TCEAL4: variants seen among roughly 807,000 people sequenced by gnomAD.
TCEAL4 encodes transcription elongation factor A like 4.
TCEAL4 carries 1 observed loss-of-function variant against 1.3 expected under a neutral mutation model. The ratio of observed to expected loss-of-function variants is 0.79; its 90% CI spans 0.28 to 3.76. TCEAL4 has a LOEUF of 3.76. TCEAL4 is among the 30% of genes most tolerant of loss of function. The pLI is 0.18. For missense variants in TCEAL4, 129 were observed against 154.7 expected (o/e 0.83, Z 0.88); for synonymous variants, 54 against 50.7 (o/e 1.06, Z -0.28).
Position 103,587,452 on chromosome X carries a change from A to G in TCEAL4, c.*129A>G. The G allele has an allele frequency of 3.7e-6, 3 of 805,268 alleles. No individual in the cohort carries two copies. The highest frequency in any genetic ancestry group is 5.0e-6 in the Non-Finnish European group (3 of 598,872). 66.4% of individuals were successfully genotyped at this position (805,268 alleles called of 1,213,427 possible). On this transcript the variant is annotated 3_prime_UTR_variant, in exon 3 of 3. Coordinates refer to ENST00000472484, the MANE Select transcript of TCEAL4 (RefSeq NM_001006935.3). ...GCAGTGTTCTCAGTAGGAAATGTTCATCTGTTACATGGAAAAAATGTTGAT... is the reference window on the plus strand; with the variant it reads ...GCAGTGTTCTCAGTAGGAAATGTTCGTCTGTTACATGGAAAAAATGTTGAT...
chrX:103,582,985 A>G (rs56142582), upstream of TCEAL4, among the ~76,000 whole-genome samples: 2,179 of 111,814 alleles, frequency 0.019, 55 homozygotes, highest in African/African-American at 0.068. Flanking sequence ...CCATCTGACA[A>G]AGGTCTAATA....
chrX:103,580,691 A>G (rs1161575629), upstream of TCEAL4, among the ~76,000 whole-genome samples: 1 of 111,637 alleles, frequency 9.0e-6, no homozygotes, highest in Admixed American at 9.5e-5. Flanking sequence ...TCCTGGGCTC[A>G]AGCAATCCAC....
In TCEAL4 at chrX:103,585,588, T is replaced by A; in HGVS notation, c.-137T>A. Reference sequence around the variant, plus strand: ...CGCGGCTGGGTCTCGTCTGCTCCGGTTCCTGGGCTCCTAATTCTTGGTCCA... The same window carrying A: ...CGCGGCTGGGTCTCGTCTGCTCCGGATCCTGGGCTCCTAATTCTTGGTCCA... On this transcript the variant is annotated 5_prime_UTR_variant, in exon 1 of 3. Transcript: ENST00000472484. 8.6e-7 allele frequency: 1 copy of A among 1,165,472 alleles called. No homozygotes were observed. Among genetic ancestry groups the A allele is most frequent in the Non-Finnish European group, 1.1e-6 (1 of 872,383 alleles).
chrX:103,578,753 A>C (rs749984077), intron 2 of TCEAL4, among the ~76,000 whole-genome samples: 7 of 111,876 alleles, frequency 6.3e-5, no homozygotes, highest in Non-Finnish European at 1.1e-4. Context: ...TATCAGATAC[A>C]TTACTCGCAA....
intron 2 of TCEAL4, among the ~76,000 whole-genome samples, chrX:103,577,949 C>A (rs1410665381): frequency 9.0e-6 from 1 of 111,689 alleles, no homozygotes; most frequent in Non-Finnish European, 1.9e-5. Context: ...ATTTTCATCA[C>A]CTCAAAAAGA....
At chrX:103,585,316 G>A (rs1027337521), upstream of TCEAL4, among the ~76,000 whole-genome samples, 1 of 98,614 alleles carries the variant, frequency 1.0e-5, no homozygotes, top group Non-Finnish European at 2.2e-5. Context: ...CTTCTGGACC[G>A]CCCAACTCAT....
chrX:103,587,452 A>T lies in TCEAL4; in HGVS notation c.*129A>T. ...GCAGTGTTCTCAGTAGGAAATGTTC[A>T]TCTGTTACATGGAAAAAATGTTGAT... On this transcript the variant is annotated 3_prime_UTR_variant, in exon 3 of 3. Transcript: ENST00000472484. 1.2e-6 allele frequency: 1 copy of T among 805,268 alleles called. No individual in the cohort carries two copies. Among genetic ancestry groups the T allele is most frequent in the Non-Finnish European group, 1.7e-6 (1 of 598,872 alleles). 66.4% of individuals were successfully genotyped at this position (805,268 alleles called of 1,213,427 possible).
At chrX:103,576,542 T>A (rs2073484497) in intron 1 of TCEAL4, 1 of 990,069 alleles carries the variant, frequency 1.0e-6, no homozygotes, top group Admixed American at 2.7e-5. Flanking sequence ...GGTGAGTAGA[T>A]CACCTGAGGT....
Position 103,587,580 on chromosome X carries a change from A to G in TCEAL4, c.*257A>G. ...ATACTTACCTAGTAATATAGTATAG[A>G]AAACAATTCTGAAAGCTGTGTCCAC... On this transcript the variant is annotated 3_prime_UTR_variant, in exon 3 of 3. Coordinates refer to ENST00000472484, the MANE Select transcript of TCEAL4 (RefSeq NM_001006935.3). 3.5e-6 allele frequency: 1 copy of G among 284,982 alleles called. No homozygotes were observed. Among genetic ancestry groups the G allele is most frequent in the East Asian group, 5.6e-5 (1 of 17,853 alleles). The allele number at this position is 284,982 out of a possible 1,213,427, so 23.5% of individuals were successfully genotyped here. A position where few individuals can be genotyped will look rare whatever the true frequency, so the allele number is the denominator to read the frequency against.
chrX:103,585,940 G>A, intron 1 of TCEAL4: 5 of 1,080,211 alleles, frequency 4.6e-6, no homozygotes, highest in Non-Finnish European at 6.0e-6. Flanking sequence ...GACAGTGGAA[G>A]TAAACCCCAT....
rs758997247 is a variant in TCEAL4, at chrX:103,587,114, G to A, written c.439G>A (p.Asp147Asn). ...YLKEYKEAIH[D>N]MNFSNEDMIR... ...CAAGGAGTATAAAGAGGCCATACATGATATGAATTTCAGCAATGAGGACAT... is the reference window on the plus strand; with the variant it reads ...CAAGGAGTATAAAGAGGCCATACATAATATGAATTTCAGCAATGAGGACAT... The change falls in exon 3 of 3, where the codon GAT becomes AAT. Residue 147 changes from aspartate to asparagine, a missense_variant. This residue lies in a region of TCEAL4 where 116 missense variants were observed against 120.3 expected (regional missense o/e 0.96). Transcript: ENST00000472484. 6.6e-6 allele frequency: 8 copies of A among 1,209,386 alleles called. No individual in the cohort carries two copies. The African/African-American group carries it at 1.2e-4, about 19-fold the overall frequency.
upstream of TCEAL4, chrX:103,585,487 C>T: frequency 9.1e-7 from 1 of 1,104,555 alleles, no homozygotes; most frequent in East Asian, 3.5e-5. Flanking sequence ...GGCGGTGGAA[C>T]TCCTGGGCTG....
At chrX:103,579,082 T>C (rs1453045020) in intron 2 of TCEAL4, among the ~76,000 whole-genome samples, 1 of 112,273 alleles carries the variant, frequency 8.9e-6, no homozygotes, top group East Asian at 2.8e-4. Flanking sequence ...CACCATTTGT[T>C]AAAAAGACTA....
intron 1 of TCEAL4, chrX:103,585,968 A>G: frequency 1.9e-6 from 2 of 1,077,352 alleles, no homozygotes; most frequent in Non-Finnish European, 2.4e-6. Flanking sequence ...TCCCGTGCGT[A>G]GAGAAAAACG....
rs1456493879 is a variant in TCEAL4, at chrX:103,587,013, C to T, written c.338C>T (p.Ala113Val). 1.7e-6 allele frequency: 2 copies of T among 1,208,552 alleles called. No homozygotes were observed. The highest frequency in any genetic ancestry group is 2.2e-6 in the Non-Finnish European group (2 of 894,937). The change falls in exon 3 of 3, where the codon GCA (alanine) becomes GTA (valine). Residue 113 changes from alanine to valine, a missense_variant. This residue lies in a region of TCEAL4 where 116 missense variants were observed against 120.3 expected (regional missense o/e 0.96). Coordinates refer to ENST00000472484, the MANE Select transcript of TCEAL4 (RefSeq NM_001006935.3). ...GAGCCAGGGAGTGAAACAAGGGCTG[C>T]AGGAAAGCGCCCAGCTGAGGATGAT... The part of the protein sequence containing the change: ...EGEPGSETRA[A>V]GKRPAEDDVP...
In TCEAL4 at chrX:103,587,427, G is replaced by T; in HGVS notation, c.*104G>T. On this transcript the variant is annotated 3_prime_UTR_variant, in exon 3 of 3. Coordinates refer to ENST00000472484, the MANE Select transcript of TCEAL4 (RefSeq NM_001006935.3). ...AGCAGCCTTTTGACCTATCTGCAAT[G>T]CAGTGTTCTCAGTAGGAAATGTTCA... 1.1e-6 allele frequency: 1 copy of T among 937,410 alleles called. No homozygotes were observed. The highest frequency in any genetic ancestry group is 1.4e-6 in the Non-Finnish European group (1 of 700,888). The allele number at this position is 937,410 out of a possible 1,213,427, so 77.3% of individuals were successfully genotyped here.
In TCEAL4 at chrX:103,586,920, C is replaced by T. The variant is rs1236759782; in HGVS notation, c.245C>T (p.Ser82Leu). The change falls in exon 3 of 3, where the codon TCA (serine) becomes TTA (leucine). Residue 82 changes from serine (S) to leucine (L), a missense_variant. Ser to Leu is a moderately radical substitution (Grantham distance 145). This residue lies in a region of TCEAL4 where 116 missense variants were observed against 120.3 expected (regional missense o/e 0.96). Transcript: ENST00000472484. ...KEGKSEREGE[S>L]EMEGGSEREG... The stretch of plus-strand genomic sequence containing the variant: ...GGAAAGTCAGAGAGGGAGGGAGAGT[C>T]AGAGATGGAGGGAGGATCAGAGAGA... The T allele has an allele frequency of 8.3e-7, 1 of 1,201,992 alleles. No individual in the cohort carries two copies.
At chrX:103,586,198 C>A (rs761913980) in intron 1 of TCEAL4, 21 bp from the exon 2 acceptor site, 2 of 1,164,166 alleles carry the variant, frequency 1.7e-6, no homozygotes, top group Non-Finnish European at 1.1e-6. Flanking sequence ...GACCCTGCCC[C>A]TGTCTCCTGT....
chrX:103,576,252 C>G, exon 1 of TCEAL4: 1 of 456,322 alleles, frequency 2.2e-6, no homozygotes, highest in Non-Finnish European at 3.6e-6. Context: ...CATGGGCTGA[C>G]AAACTTTTTC....
Sources: allele counts gnomAD v4.1 joint callset (sites outside exome capture counted in the v4.1 genomes callset), GRCh38; gene constraint gnomAD v4.1.1; regional missense constraint gnomAD v4.1.1; transcripts MANE v1.5; gene names NCBI Gene and HGNC (gene_info 2026-07-23, HGNC 2026-07-21).